Variants in RYR3 observed in about 807,000 individuals in gnomAD.
RYR3 encodes ryanodine receptor 3.
In RYR3, 207 loss-of-function variants were observed where a neutral mutation model predicts 584.3. The ratio of observed to expected loss-of-function variants is 0.35; its 90% CI spans 0.32 to 0.40. The LOEUF is 0.40. Ranked by LOEUF, RYR3 falls within the 10% of genes least tolerant of loss-of-function variation. The pLI, the probability that RYR3 is intolerant of heterozygous loss-of-function variation, is 1.00. For synonymous variants in RYR3, 2,416 were observed against 2,248.5 expected, an observed-to-expected ratio of 1.07 and a Z score of -2.11; for missense variants, 5,616 against 6,089.2, an observed-to-expected ratio of 0.92 and a Z score of 2.59.
At chr15:33,339,520 A>G (rs1281744340) in intron 1 of RYR3, among the ~76,000 whole-genome samples, 1 of 152,176 alleles carries the variant, frequency 6.6e-6, no homozygotes, top group Non-Finnish European at 1.5e-5. Flanking sequence ...GTGGATATGG[A>G]AGAGGAGGGA....
chr15:33,633,629 G>A (rs537557377), intron 24 of RYR3, among the ~76,000 whole-genome samples: 208 of 152,254 alleles, frequency 1.4e-3, no homozygotes, highest in African/African-American at 2.8e-3. Context: ...AATTCATACC[G>A]GAGCCACACA....
intron 84 of RYR3, among the ~76,000 whole-genome samples, chr15:33,826,998 C>T (rs1228070427): frequency 6.6e-6 from 1 of 152,194 alleles, no homozygotes; most frequent in East Asian, 1.9e-4. Flanking sequence ...CCTTGGGGCT[C>T]GTTAAGTCCA....
chr15:33,367,754 G>A (rs1369653476), intron 1 of RYR3, among the ~76,000 whole-genome samples: 1 of 152,186 alleles, frequency 6.6e-6, no homozygotes, highest in East Asian at 1.9e-4. Flanking sequence ...GCATATCCCT[G>A]AAACTAATCC....
chr15:33,458,994 C>G (rs2047795150), intron 1 of RYR3, among the ~76,000 whole-genome samples: 1 of 152,230 alleles, frequency 6.6e-6, no homozygotes, highest in South Asian at 2.1e-4. Context: ...TACCAACCTT[C>G]TCTAACTTCC....
intron 69 of RYR3, 40 bp downstream of exon 69, chr15:33,802,001 T>G (rs769052118): frequency 1.7e-6 from 2 of 1,144,856 alleles, no homozygotes; most frequent in South Asian, 2.5e-5. Flanking sequence ...TCTTCAACCC[T>G]AACCTCAGCC....
At chr15:33,711,483 T>C (rs1328777690) in intron 43 of RYR3, among the ~76,000 whole-genome samples, 1 of 152,092 alleles carries the variant, frequency 6.6e-6, no homozygotes, top group Non-Finnish European at 1.5e-5. Flanking sequence ...GACTTCGTGA[T>C]CCACCCGCCT....
chr15:33,825,742 T>C lies in RYR3; in HGVS notation c.11146+66T>C, dbSNP rs1212490231. On this transcript the variant is annotated intron_variant, in intron 82 of 103. Coordinates refer to ENST00000634891, the MANE Select transcript of RYR3 (RefSeq NM_001036.6). ...TAAAATCTTTTTTTTTTTTTTTTTT[T>C]TTTTCCCCATACAGAGTTTCGCTCT... 2.0e-5 allele frequency: 13 copies of C among 645,400 alleles called. No homozygotes were observed. The African/African-American group carries it at 4.6e-4, about 23-fold the overall frequency. The allele number at this position is 645,400 out of a possible 1,614,324, so 40.0% of individuals were successfully genotyped here.
chr15:33,405,006 A>C (rs1221379052), intron 1 of RYR3, among the ~76,000 whole-genome samples: 1 of 152,154 alleles, frequency 6.6e-6, no homozygotes, highest in African/African-American at 2.4e-5. Flanking sequence ...TAACCTTGGA[A>C]AGCCATGATT....
intron 1 of RYR3, among the ~76,000 whole-genome samples, chr15:33,374,497 C>T (rs1032785767): frequency 2.0e-5 from 3 of 152,024 alleles, no homozygotes; most frequent in Non-Finnish European, 1.5e-5. Context: ...GCCAACTATG[C>T]CTTCTTTGCT....
chr15:33,335,445 G>A (rs1970845399), intron 1 of RYR3, among the ~76,000 whole-genome samples: 1 of 152,126 alleles, frequency 6.6e-6, no homozygotes. Flanking sequence ...ATCAAATACT[G>A]CATGTTCTCA....
chr15:33,791,989 A>T (rs1042506919), intron 67 of RYR3, among the ~76,000 whole-genome samples: 2 of 152,134 alleles, frequency 1.3e-5, no homozygotes, highest in African/African-American at 4.8e-5. Flanking sequence ...ACTAGTAATG[A>T]CCATGGGATT....
chr15:33,600,647 G>C (rs66979647), intron 16 of RYR3, among the ~76,000 whole-genome samples: 1 of 151,866 alleles, frequency 6.6e-6, no homozygotes, highest in Non-Finnish European at 1.5e-5. Flanking sequence ...TTGAAAGTTT[G>C]TTCTCCTTCT....
intron 1 of RYR3, among the ~76,000 whole-genome samples, chr15:33,413,024 G>C (rs1435548193): frequency 1.3e-5 from 2 of 152,160 alleles, no homozygotes; most frequent in East Asian, 1.9e-4. Flanking sequence ...GTACCATCCT[G>C]ATAATTAGGA....
intron 98 of RYR3, chr15:33,856,523 A>C (rs1056930523): frequency 6.6e-6 from 1 of 152,320 alleles, no homozygotes; most frequent in Non-Finnish European, 1.5e-5. Flanking sequence ...TGTAATAAAA[A>C]GTGTGACTCA....
chr15:33,517,772 G>A (rs181707881), intron 3 of RYR3, among the ~76,000 whole-genome samples: 1 of 152,176 alleles, frequency 6.6e-6, no homozygotes, highest in Admixed American at 6.5e-5. Context: ...TGGCTCTAGG[G>A]ATATATATTT....
chr15:33,741,260 G>C lies in RYR3; in HGVS notation c.7821-1106G>C, dbSNP rs144357461. ...AATATGGGGTCATTATCAAGACCTAGTGAAAGGCCAACCTGGCCTTAGCAC... is the reference window on the plus strand; with the variant it reads ...AATATGGGGTCATTATCAAGACCTACTGAAAGGCCAACCTGGCCTTAGCAC... On this transcript the variant is annotated intron_variant, in intron 51 of 103. Coordinates refer to ENST00000634891, the MANE Select transcript of RYR3 (RefSeq NM_001036.6). Among the ~76,000 whole-genome samples, 489 of 152,312 alleles carry C rather than the reference G, an allele frequency of 3.2e-3. 1 individual carries two copies. Among genetic ancestry groups the C allele is most frequent in the African/African-American group, 0.011 (469 of 41,564 alleles).
At chr15:33,386,012 C>CT (rs1010815262) in intron 1 of RYR3, among the ~76,000 whole-genome samples, 4 of 151,880 alleles carry the variant, frequency 2.6e-5, no homozygotes, top group Admixed American at 6.6e-5. Context: ...AGCCTCTTTT[C>CT]TTTTTTTTAA....
intron 5 of RYR3, among the ~76,000 whole-genome samples, chr15:33,535,484 A>G (rs752156406): frequency 1.8e-4 from 27 of 152,254 alleles, no homozygotes; most frequent in Non-Finnish European, 3.5e-4. Context: ...GTCTTAAAAT[A>G]TAATTTCCTC....
chr15:33,334,192 A>G (rs374479758), intron 1 of RYR3, among the ~76,000 whole-genome samples: 2 of 152,204 alleles, frequency 1.3e-5, no homozygotes, highest in South Asian at 2.1e-4. Flanking sequence ...TTTAAAATTC[A>G]TATGGAGCCA....
Sources: gnomAD v4.1 joint callset for allele counts (sites outside exome capture counted in the v4.1 genomes callset) on GRCh38, gnomAD v4.1.1 for gene constraint, MANE v1.5 for transcripts, NCBI Gene and HGNC (gene_info 2026-07-23, HGNC 2026-07-21) for gene names.